Variants in AOX1 observed in about 807,000 individuals in gnomAD.
AOX1 encodes aldehyde oxidase 1.
AOX1 carries 153 observed loss-of-function variants against 169.5 expected under a neutral mutation model. That is an observed-to-expected ratio of 0.90 (90% CI 0.79 to 1.03). The LOEUF (loss-of-function observed/expected upper bound fraction) is 1.03, where lower values mean the gene tolerates loss of function less well. Among genes scored for constraint, AOX1 ranks in the 50% least tolerant of loss-of-function variants. The pLI, the probability that AOX1 is intolerant of heterozygous loss-of-function variation, is 0.00. For synonymous variants in AOX1, 562 were observed against 581.9 expected (o/e 0.97, Z 0.49); for missense variants, 1,656 against 1,663.9 (o/e 1.00, Z 0.08).
At chr2:200,609,480 G>A (rs1034872276) in intron 12 of AOX1, 66 bp downstream of exon 12, 1 of 1,341,138 alleles carries the variant, frequency 7.5e-7, no homozygotes. Flanking sequence ...CTCTGGGGAG[G>A]CAGGAAATCC....
At position 200,615,067 on chromosome 2, in the gene AOX1, G is replaced by A. The variant is rs573438130; in HGVS notation, c.1612-904G>A. Among the ~76,000 whole-genome samples, 3 of 151,988 alleles carry A rather than the reference G, an allele frequency of 2.0e-5. No individual in the cohort carries two copies. In the South Asian group the frequency reaches 6.2e-4, roughly 32 times the overall value. ...CACCCATGCTGGAATACAGTGGTGT[G>A]ATATCATAGCTCAGTGCAGCCTCAA... On this transcript the variant is annotated intron_variant, in intron 15 of 34. Coordinates refer to ENST00000374700, the MANE Select transcript of AOX1 (RefSeq NM_001159.4).
At chr2:200,667,347 A>T (rs2035940163) in intron 32 of AOX1, among the ~76,000 whole-genome samples, 1 of 151,988 alleles carries the variant, frequency 6.6e-6, no homozygotes, top group African/African-American at 2.4e-5. Flanking sequence ...ATGACACAGG[A>T]CCCACCTGGA....
intron 30 of AOX1, 30 bp downstream of exon 30, chr2:200,661,661 G>A (rs372028636): frequency 2.3e-5 from 36 of 1,547,344 alleles, no homozygotes; most frequent in Non-Finnish European, 3.0e-5. Context: ...ACATGCTATG[G>A]AGAAGAACAG....
chr2:200,640,082 C>T (rs1270974046), intron 23 of AOX1, among the ~76,000 whole-genome samples: 1 of 150,640 alleles, frequency 6.6e-6, no homozygotes, highest in Non-Finnish European at 1.5e-5. Flanking sequence ...GAAGGCATGC[C>T]AGGTGTGGGA....
chr2:200,622,565 C>T (rs892880258), intron 18 of AOX1, among the ~76,000 whole-genome samples: 2 of 152,144 alleles, frequency 1.3e-5, no homozygotes, highest in African/African-American at 4.8e-5. Context: ...GAAACTCCCC[C>T]AAAGCAGGGC....
intron 27 of AOX1, among the ~76,000 whole-genome samples, chr2:200,658,442 A>G (rs546253877): frequency 6.6e-6 from 1 of 152,344 alleles, no homozygotes; most frequent in African/African-American, 2.4e-5. Context: ...AGACTTTGAT[A>G]TTCTAAGCCT....
At chr2:200,646,665 T>C (rs2035458744) in intron 25 of AOX1, among the ~76,000 whole-genome samples, 1 of 152,124 alleles carries the variant, frequency 6.6e-6, no homozygotes, top group African/African-American at 2.4e-5. Context: ...AGTACTGAAG[T>C]TCCCTACTAT....
intron 4 of AOX1, chr2:200,676,833 A>C: frequency 2.2e-6 from 1 of 453,814 alleles, no homozygotes; most frequent in South Asian, 1.6e-5. Context: ...AAGCAGATAC[A>C]AATGGCCCCG....
chr2:200,638,300 A>C lies in AOX1; in HGVS notation c.2566A>C (p.Lys856Gln). The C allele has an allele frequency of 6.2e-7, 1 of 1,613,374 alleles. No individual in the cohort carries two copies. The highest frequency in any genetic ancestry group is 8.5e-7 in the Non-Finnish European group (1 of 1,179,400). ...CCGCCATCCTTACCTTGGAAAGTACAAAGTGAGTACAAGAGGGCATGGAGG... is the reference window on the plus strand; with the variant it reads ...CCGCCATCCTTACCTTGGAAAGTACCAAGTGAGTACAAGAGGGCATGGAGG... ...GGRHPYLGKY[K>Q]AGFMNDGRIL... Residue 856 changes from lysine to glutamine, a missense_variant and splice_region_variant, in exon 23 of 35, where the codon AAA (lysine) becomes CAA (glutamine). Lys to Gln is a moderately conservative substitution (Grantham distance 53). Transcript: ENST00000374700.
chr2:200,612,446 A>G (rs2034658597), intron 13 of AOX1, among the ~76,000 whole-genome samples, 163 bp from the exon 14 acceptor site: 2 of 152,220 alleles, frequency 1.3e-5, no homozygotes, highest in Non-Finnish European at 2.9e-5. Flanking sequence ...CATACCGTCC[A>G]GCACGTAGGT....
intron 3 of AOX1, among the ~76,000 whole-genome samples, chr2:200,596,329 C>T (rs759395140): frequency 7.2e-5 from 11 of 152,168 alleles, no homozygotes; most frequent in Non-Finnish European, 1.6e-4. Context: ...GGAGATCTGT[C>T]GCAGCCATGT....
chr2:200,664,508 A>G (rs1478078496), intron 31 of AOX1, among the ~76,000 whole-genome samples: 1 of 152,240 alleles, frequency 6.6e-6, no homozygotes, highest in African/African-American at 2.4e-5. Context: ...ATATTCCTAT[A>G]TATGCATTGT....
In AOX1 at chr2:200,642,630, GA is replaced by G. The variant is rs781772833; in HGVS notation, c.2680del (p.Met894TrpfsTer37). ...TCCAGGTGATAGAAATGGGACTTCT[GA>G]AAATGGACAATGCTTACAAGTTTCC... ...SLFVIEMGLL[K>X]MDNAYKFPNL... On this transcript the variant is annotated frameshift_variant, in exon 25 of 35. Coordinates refer to ENST00000374700, the MANE Select transcript of AOX1 (RefSeq NM_001159.4). LOFTEE classifies it high-confidence loss of function. 1 of 1,614,078 alleles carries G rather than the reference GA, an allele frequency of 6.2e-7. No individual in the cohort carries two copies. The highest frequency in any genetic ancestry group is 8.5e-7 in the Non-Finnish European group (1 of 1,179,980).
intron 27 of AOX1, among the ~76,000 whole-genome samples, chr2:200,657,191 T>TATATATATATA (rs1491522418): frequency 1.3e-4 from 6 of 45,488 alleles, no homozygotes; most frequent in Non-Finnish European, 2.1e-4. Flanking sequence ...TATATATATA[T>TATATATATATA]TTTTTTTTTT....
intron 25 of AOX1, among the ~76,000 whole-genome samples, chr2:200,644,737 T>C (rs1012112163): frequency 1.3e-5 from 2 of 152,198 alleles, no homozygotes; most frequent in African/African-American, 4.8e-5. Flanking sequence ...GTTTTCCTTG[T>C]AGAGGTCTTT....
intron 10 of AOX1, among the ~76,000 whole-genome samples, chr2:200,608,528 A>G (rs889297741): frequency 6.6e-6 from 1 of 152,210 alleles, no homozygotes; most frequent in Admixed American, 6.5e-5. Context: ...AATGGCATAT[A>G]TTAGCTGTCA....
chr2:200,590,368 G>T (rs2034143346), intron 1 of AOX1, among the ~76,000 whole-genome samples: 1 of 152,156 alleles, frequency 6.6e-6, no homozygotes, highest in African/African-American at 2.4e-5. Flanking sequence ...ATGAGTACAT[G>T]CAATGACCCT....
At chr2:200,588,726 C>CTTTTTTTTGTTTTTTTTTTT in intron 1 of AOX1, among the ~76,000 whole-genome samples, 1 of 53,986 alleles carries the variant, frequency 1.9e-5, no homozygotes, top group East Asian at 4.9e-4. Flanking sequence ...CTAGAATAAG[C>CTTTTTTTTGTTTTTTTTTTT]TTTTTTTTTT....
At position 200,660,071 on chromosome 2, in the gene AOX1, T is replaced by C; in HGVS notation, c.3375+2T>C. 1 of 1,611,112 alleles carries C rather than the reference T, an allele frequency of 6.2e-7. No homozygotes were observed. The highest frequency in any genetic ancestry group is 8.5e-7 in the Non-Finnish European group (1 of 1,177,324). On this transcript the variant is annotated splice_donor_variant, in intron 29 of 34. Transcript: ENST00000374700. LOFTEE classifies it high-confidence loss of function. ...CCTAAAGGAACTTGGAAAGACTGGG[T>C]GAGAATCAATGGTTCTCTGTATTTT...
Sources: gnomAD v4.1 joint callset for allele counts (sites outside exome capture counted in the v4.1 genomes callset) on GRCh38, gnomAD v4.1.1 for gene constraint, MANE v1.5 for transcripts, NCBI Gene and HGNC (gene_info 2026-07-23, HGNC 2026-07-21) for gene names.